Variants in LUZP2 observed in about 807,000 individuals in gnomAD.
The protein encoded by LUZP2 is leucine zipper protein 2.
In LUZP2, 52 loss-of-function variants were observed where a neutral mutation model predicts 51.6. That is an observed-to-expected ratio of 1.01 (90% CI 0.81 to 1.27). The LOEUF (loss-of-function observed/expected upper bound fraction) is 1.27, where lower values mean the gene tolerates loss of function less well. Among genes scored for constraint, LUZP2 ranks in the 50% most tolerant of loss-of-function variants. The pLI is 0.00. For synonymous variants in LUZP2, 154 were observed against 137.3 expected (o/e 1.12, Z -0.85); for missense variants, 436 against 395.4 (o/e 1.10, Z -0.87).
chr11:25,045,900 C>T (rs1014625988), intron 9 of LUZP2, among the ~76,000 whole-genome samples: 1 of 152,130 alleles, frequency 6.6e-6, no homozygotes, highest in Admixed American at 6.6e-5. Context: ...AAGGAGATTT[C>T]TTGGTTGACC....
At chr11:24,652,186 C>T (rs1251747109) in intron 1 of LUZP2, among the ~76,000 whole-genome samples, 1 of 151,940 alleles carries the variant, frequency 6.6e-6, no homozygotes, top group Non-Finnish European at 1.5e-5. Context: ...GAGTACTTTA[C>T]CTGCAAAGAA....
chr11:24,895,064 A>G (rs1852994196), intron 5 of LUZP2, among the ~76,000 whole-genome samples: 1 of 152,202 alleles, frequency 6.6e-6, no homozygotes, highest in Non-Finnish European at 1.5e-5. Context: ...GAGATTCTCA[A>G]ATTTTTAATC....
chr11:24,962,755 C>T (rs1855454189), intron 7 of LUZP2, among the ~76,000 whole-genome samples: 2 of 152,320 alleles, frequency 1.3e-5, no homozygotes, highest in South Asian at 4.1e-4. Context: ...GCCTTCTTCT[C>T]TCAACTCGTC....
At chr11:24,680,779 T>C (rs1362938776) in intron 1 of LUZP2, among the ~76,000 whole-genome samples, 1 of 152,076 alleles carries the variant, frequency 6.6e-6, no homozygotes, top group Non-Finnish European at 1.5e-5. Context: ...TTTATACATA[T>C]AGGAATCAAG....
At chr11:24,911,817 T>A (rs1440331093) in intron 6 of LUZP2, among the ~76,000 whole-genome samples, 3 of 152,196 alleles carry the variant, frequency 2.0e-5, no homozygotes, top group African/African-American at 7.2e-5. Flanking sequence ...AATGTGATTC[T>A]GAAGTAGAAG....
At chr11:24,533,293 A>C (rs1851070256) in intron 1 of LUZP2, among the ~76,000 whole-genome samples, 1 of 151,264 alleles carries the variant, frequency 6.6e-6, no homozygotes, top group Non-Finnish European at 1.5e-5. Flanking sequence ...TTGTCTTCTC[A>C]GGCATTGATC....
chr11:24,843,868 A>AC (rs1851114397), intron 5 of LUZP2, among the ~76,000 whole-genome samples: 1 of 152,174 alleles, frequency 6.6e-6, no homozygotes, highest in African/African-American at 2.4e-5. Context: ...TTTGCCTGCC[A>AC]CCATCCATGT....
chr11:24,644,872 T>C (rs539845439), intron 1 of LUZP2, among the ~76,000 whole-genome samples: 1 of 152,172 alleles, frequency 6.6e-6, no homozygotes, highest in Non-Finnish European at 1.5e-5. Flanking sequence ...ACCACAAAAG[T>C]GAAGGCCATA....
intron 5 of LUZP2, among the ~76,000 whole-genome samples, chr11:24,859,140 T>C (rs925080061): frequency 1.3e-5 from 2 of 152,166 alleles, no homozygotes; most frequent in African/African-American, 4.8e-5. Flanking sequence ...TATGTGACAA[T>C]ATAAGAATAG....
At chr11:24,891,240 T>C (rs553090408) in intron 5 of LUZP2, 13 of 984,790 alleles carry the variant, frequency 1.3e-5, no homozygotes, top group Non-Finnish European at 1.6e-5. Context: ...CAATTTAGCA[T>C]TTCCACAAAA....
chr11:24,565,823 C>T (rs1361924909), intron 1 of LUZP2, among the ~76,000 whole-genome samples: 3 of 152,050 alleles, frequency 2.0e-5, no homozygotes, highest in East Asian at 1.9e-4. Context: ...TGAAAAGCAA[C>T]AATCTAATAT....
chr11:24,953,561 GC>G (rs931103891), intron 7 of LUZP2, among the ~76,000 whole-genome samples: 12 of 152,042 alleles, frequency 7.9e-5, no homozygotes, highest in African/African-American at 2.9e-4. Context: ...GACTGAAAAA[GC>G]TCCTAAAGGA....
chr11:24,720,499 A>C (rs1858225288), intron 1 of LUZP2, among the ~76,000 whole-genome samples: 1 of 152,212 alleles, frequency 6.6e-6, no homozygotes, highest in East Asian at 1.9e-4. Flanking sequence ...TTAATAGTAT[A>C]AATGAAAAAT....
At chr11:24,993,872 G>A (rs1046037911) in intron 9 of LUZP2, among the ~76,000 whole-genome samples, 1 of 151,032 alleles carries the variant, frequency 6.6e-6, no homozygotes, top group African/African-American at 2.4e-5. Flanking sequence ...TTTGGGGGGG[G>A]TGTGGGGGAA....
chr11:24,557,477 C>T (rs1372927105), intron 1 of LUZP2, among the ~76,000 whole-genome samples: 1 of 151,986 alleles, frequency 6.6e-6, no homozygotes, highest in Non-Finnish European at 1.5e-5. Flanking sequence ...TTATGAATTT[C>T]AGTCAAATAG....
chr11:25,027,887 T>A (rs2404013), intron 9 of LUZP2, among the ~76,000 whole-genome samples: 9,302 of 68,392 alleles, frequency 0.14, 813 homozygotes, highest in African/African-American at 0.35. Flanking sequence ...AAAAAAAAGG[T>A]GTTTAGATTT....
In LUZP2 at chr11:24,894,454, C is replaced by T. The variant is rs1852967375; in HGVS notation, c.397-11537C>T. Among the ~76,000 whole-genome samples, 5 of 152,060 alleles carry T rather than the reference C, an allele frequency of 3.3e-5. No homozygotes were observed. In the South Asian group the frequency reaches 1.0e-3, roughly 32 times the overall value. ...CCTCCCAAAGTGTTGGGATTACAGG[C>T]ATGAGCCACCGTGCCCGGCCAGATA... is the stretch of plus-strand genomic sequence containing the variant. On this transcript the variant is annotated intron_variant, in intron 5 of 11. Coordinates refer to ENST00000336930, the MANE Select transcript of LUZP2 (RefSeq NM_001009909.4).
intron 9 of LUZP2, among the ~76,000 whole-genome samples, chr11:24,993,864 TG>T (rs1281064731): frequency 3.5e-5 from 5 of 144,616 alleles, no homozygotes; most frequent in East Asian, 2.1e-4. Flanking sequence ...TTCTTTTTTT[TG>T]GGGGGGGTGT....
intron 9 of LUZP2, among the ~76,000 whole-genome samples, chr11:25,037,653 G>C (rs1227804585): frequency 6.6e-6 from 1 of 152,010 alleles, no homozygotes; most frequent in Non-Finnish European, 1.5e-5. Context: ...AGGCCAGTCT[G>C]GTTAAAACAT....
Sources: gnomAD v4.1 joint callset for allele counts (sites outside exome capture counted in the v4.1 genomes callset) on GRCh38, gnomAD v4.1.1 for gene constraint, MANE v1.5 for transcripts, NCBI Gene and HGNC (gene_info 2026-07-23, HGNC 2026-07-21) for gene names.